SLC44A2: variants seen among roughly 807,000 people sequenced by gnomAD.
SLC44A2 encodes solute carrier family 44 member 2 (CTL2 blood group).
In SLC44A2, 57 loss-of-function variants were observed where a neutral mutation model predicts 90.8. The ratio of observed to expected loss-of-function variants is 0.63; its 90% CI spans 0.51 to 0.78. SLC44A2 has a LOEUF of 0.78. Among genes scored for constraint, SLC44A2 ranks in the 30% least tolerant of loss-of-function variants. The pLI is 0.00. For synonymous variants in SLC44A2, 355 were observed against 360.7 expected (o/e 0.98, Z 0.18); for missense variants, 794 against 919.7 (o/e 0.86, Z 1.77).
chr19:10,627,623 T>G (rs2066947510), intron 2 of SLC44A2, 99 bp from the exon 3 acceptor site: 5 of 1,256,680 alleles, frequency 4.0e-6, no homozygotes, highest in Middle Eastern at 2.7e-4. Context: ...GGAAAATTTG[T>G]CCAAATAACA....
At chr19:10,605,970 G>GGCT (rs1473009758) in intron 1 of SLC44A2, among the ~76,000 whole-genome samples, 5 of 152,030 alleles carry the variant, frequency 3.3e-5, no homozygotes, top group African/African-American at 9.7e-5. Context: ...CTCCAACCTG[G>GGCT]GCTATGGAGC....
chr19:10,605,062 G>A (rs185915354), intron 1 of SLC44A2, among the ~76,000 whole-genome samples: 34 of 152,188 alleles, frequency 2.2e-4, no homozygotes, highest in Admixed American at 1.4e-3. Flanking sequence ...AACTGGGGTC[G>A]GGGGGACAGT....
chr19:10,632,962 G>A (rs1007731689), intron 10 of SLC44A2, among the ~76,000 whole-genome samples: 6 of 151,908 alleles, frequency 3.9e-5, no homozygotes, highest in Admixed American at 1.3e-4. Context: ...AGGAGCCACC[G>A]CGCCCGGACT....
intron 20 of SLC44A2, among the ~76,000 whole-genome samples, chr19:10,639,438 GT>G (rs572318396): frequency 1.2e-4 from 8 of 67,448 alleles, no homozygotes; most frequent in African/African-American, 4.3e-4. Context: ...CTGGGCAGGT[GT>G]GGGGGGGGTC....
At chr19:10,620,185 A>C (rs571028864) in intron 1 of SLC44A2, among the ~76,000 whole-genome samples, 44 of 152,066 alleles carry the variant, frequency 2.9e-4, no homozygotes, top group Middle Eastern at 6.8e-3. Flanking sequence ...CAAAAACAAA[A>C]ACAAAAAAAA....
At chr19:10,621,630 AT>A (rs2066895799), upstream of SLC44A2, among the ~76,000 whole-genome samples, 1 of 151,360 alleles carries the variant, frequency 6.6e-6, no homozygotes, top group African/African-American at 2.4e-5. Flanking sequence ...TAATTTATTT[AT>A]TTTTGAGACG....
rs2066952742 is a variant in SLC44A2, at chr19:10,628,016, C to T, written c.245+12C>T. The stretch of plus-strand genomic sequence containing the variant: ...GGCACAAAAAACGAGTGAGTTGACT[C>T]CTTGCGGCCTGGTGGGGCTGGGGAA... On this transcript the variant is annotated intron_variant, in intron 4 of 21. Transcript: ENST00000335757. The T allele has an allele frequency of 1.2e-6, 2 of 1,608,810 alleles. No homozygotes were observed. Among genetic ancestry groups the T allele is most frequent in the African/African-American group, 2.7e-5 (2 of 74,840 alleles).
At chr19:10,602,946 C>A (rs1202378355) in intron 1 of SLC44A2, among the ~76,000 whole-genome samples, 1 of 152,208 alleles carries the variant, frequency 6.6e-6, no homozygotes, top group Non-Finnish European at 1.5e-5. Flanking sequence ...TCCATTTCTT[C>A]CTCCTTCCCT....
At chr19:10,643,207 A>T in intron 21 of SLC44A2, 72 bp from the exon 22 acceptor site, 1 of 1,535,290 alleles carries the variant, frequency 6.5e-7, no homozygotes, top group Non-Finnish European at 8.8e-7. Flanking sequence ...ACCCTCATCC[A>T]CCTACCCTGT....
At position 10,638,227 on chromosome 19, in the gene SLC44A2, G is replaced by C; in HGVS notation, c.1841G>C (p.Gly614Ala). 6.2e-7 allele frequency: 1 copy of C among 1,613,914 alleles called. No homozygotes were observed. Among genetic ancestry groups the C allele is most frequent in the Non-Finnish European group, 8.5e-7 (1 of 1,180,002 alleles). The stretch of plus-strand genomic sequence containing the variant: ...ATCTTGCTTTCTTCTCCTTCTCCAG[G>C]GATCCTGGCTTTCTTCTTCTTCACC... The part of the protein sequence containing the change: ...LGKLLIVGSV[G>A]ILAFFFFTHR... Residue 614 changes from glycine to alanine, a missense_variant and splice_region_variant, in exon 20 of 22, where the codon GGG becomes GCG. Coordinates refer to ENST00000335757, the MANE Select transcript of SLC44A2 (RefSeq NM_020428.4).
chr19:10,607,632 A>G (rs1918147579), intron 1 of SLC44A2, among the ~76,000 whole-genome samples: 1 of 151,428 alleles, frequency 6.6e-6, no homozygotes, highest in African/African-American at 2.4e-5. Context: ...CTAGGATTAT[A>G]GGCGTGGGCC....
At chr19:10,621,158 T>C (rs752024393), upstream of SLC44A2, among the ~76,000 whole-genome samples, 2 of 151,688 alleles carry the variant, frequency 1.3e-5, no homozygotes, top group African/African-American at 2.4e-5. Flanking sequence ...AGACCAGTAG[T>C]AGAGACATGG....
intron 1 of SLC44A2, among the ~76,000 whole-genome samples, chr19:10,607,976 A>G (rs1918162543): frequency 7.4e-6 from 1 of 135,294 alleles, no homozygotes; most frequent in African/African-American, 2.6e-5. Flanking sequence ...CGATCTCCTG[A>G]CCTCGTGATC....
intron 4 of SLC44A2, among the ~76,000 whole-genome samples, chr19:10,630,778 C>A (rs560298312): frequency 4.0e-5 from 6 of 150,592 alleles, no homozygotes; most frequent in East Asian, 2.0e-4. Flanking sequence ...CCAAGGCAGG[C>A]GGATCACCTG....
chr19:10,639,044 C>T (rs1200538281), intron 20 of SLC44A2, among the ~76,000 whole-genome samples: 5 of 152,038 alleles, frequency 3.3e-5, no homozygotes, highest in African/African-American at 1.2e-4. Flanking sequence ...GGTGATCCAC[C>T]CGCCTCAGCT....
upstream of SLC44A2, among the ~76,000 whole-genome samples, chr19:10,623,191 C>T (rs1348036906): frequency 6.6e-6 from 1 of 152,058 alleles, no homozygotes; most frequent in African/African-American, 2.4e-5. Flanking sequence ...TCGAGAACCA[C>T]AGGGCTTCTT....
intron 20 of SLC44A2, among the ~76,000 whole-genome samples, chr19:10,639,495 C>T (rs2067093879): frequency 6.6e-6 from 1 of 152,042 alleles, no homozygotes; most frequent in African/African-American, 2.4e-5. Context: ...TCTGAAGCTG[C>T]AGGCAATATC....
chr19:10,621,232 G>A (rs2066892401), upstream of SLC44A2, among the ~76,000 whole-genome samples: 1 of 151,944 alleles, frequency 6.6e-6, no homozygotes, highest in Non-Finnish European at 1.5e-5. Flanking sequence ...TGTGCCTGTA[G>A]TCCCAGCTAC....
At chr19:10,641,828 A>C (rs12461470) in intron 20 of SLC44A2, among the ~76,000 whole-genome samples, 5,783 of 150,628 alleles carry the variant, frequency 0.038, 388 homozygotes, top group East Asian at 0.31. Flanking sequence ...CCTGGGCTAC[A>C]GAGTGAGACC....
Sources: allele counts gnomAD v4.1 joint callset (sites outside exome capture counted in the v4.1 genomes callset), GRCh38; gene constraint gnomAD v4.1.1; transcripts MANE v1.5; gene names NCBI Gene and HGNC (gene_info 2026-07-23, HGNC 2026-07-21).